NOMO1: variants seen among roughly 807,000 people sequenced by gnomAD.
NOMO1 encodes nodal modulator 3.
In NOMO1, 40 loss-of-function variants were observed where a neutral mutation model predicts 133.8. That is an observed-to-expected ratio of 0.30 (90% CI 0.23 to 0.39). The LOEUF (loss-of-function observed/expected upper bound fraction) is 0.39. Among genes scored for constraint, NOMO1 ranks in the 10% least tolerant of loss-of-function variants. The probability of loss-of-function intolerance (pLI) is 1.00; values close to 1 mark genes in which losing one functional copy is unlikely to be tolerated. For synonymous variants in NOMO1, 236 were observed against 570.5 expected (o/e 0.41, Z 8.36); for missense variants, 462 against 1,419.9 (o/e 0.33, Z 10.84).
intron 15 of NOMO1, 106 bp downstream of exon 15, chr16:14,866,797 C>G (rs189524829): frequency 3.7e-6 from 6 of 1,605,886 alleles, no homozygotes; most frequent in Non-Finnish European, 5.1e-6. Context: ...AGTTAGATTT[C>G]CTTTTCTGCC....
At chr16:14,875,602 TTGGA>T (rs1166983816) in intron 20 of NOMO1, among the ~76,000 whole-genome samples, 180 bp downstream of exon 20, 16,390 of 146,744 alleles carry the variant, frequency 0.11, 106 homozygotes, top group East Asian at 0.15. Flanking sequence ...GATGGTTGGG[TTGGA>T]TGGATGGATG....
At chr16:14,855,494 T>A (rs890025079) in intron 9 of NOMO1, among the ~76,000 whole-genome samples, 6 of 151,850 alleles carry the variant, frequency 4.0e-5, no homozygotes, top group African/African-American at 1.5e-4. Context: ...GAAAGTACTG[T>A]GTTAAAATCG....
intron 27 of NOMO1, among the ~76,000 whole-genome samples, chr16:14,885,233 C>T (rs1338480051): frequency 5.9e-5 from 9 of 151,902 alleles, no homozygotes; most frequent in Non-Finnish European, 1.3e-4. Flanking sequence ...GACAAATATC[C>T]AAACAGTATC....
intron 29 of NOMO1, among the ~76,000 whole-genome samples, chr16:14,889,556 C>A (rs1964377740): frequency 6.6e-6 from 1 of 151,858 alleles, no homozygotes; most frequent in Admixed American, 6.6e-5. Context: ...CAAAACAAAA[C>A]AAAACCAAAC....
At chr16:14,894,952 A>G (rs369823323) in intron 29 of NOMO1, 46 bp from the exon 30 acceptor site, 637 of 1,611,632 alleles carry the variant, frequency 4.0e-4, no homozygotes, top group Non-Finnish European at 5.1e-4. Context: ...ATGATGGACA[A>G]TCGTGTGGCC....
intron 29 of NOMO1, among the ~76,000 whole-genome samples, chr16:14,892,176 C>T (rs1004807213): frequency 3.3e-5 from 5 of 151,408 alleles, no homozygotes; most frequent in African/African-American, 1.2e-4. Context: ...ACCTGGGATG[C>T]AGAGTTTGTA....
At chr16:14,862,910 CAGG>C (rs1963940274) in intron 11 of NOMO1, 100 bp from the exon 12 acceptor site, 1 of 1,516,854 alleles carries the variant, frequency 6.6e-7, no homozygotes, top group Non-Finnish European at 9.0e-7. Flanking sequence ...AGACTATTCT[CAGG>C]AACAAGGGCT....
intron 12 of NOMO1, 145 bp from the exon 13 acceptor site, chr16:14,864,440 G>C (rs1839915801): frequency 2.1e-6 from 3 of 1,453,304 alleles, no homozygotes; most frequent in Non-Finnish European, 2.8e-6. Flanking sequence ...TGGATTTGTT[G>C]TGATTGTAAA....
chr16:14,887,877 G>A (rs1345591657), intron 28 of NOMO1, among the ~76,000 whole-genome samples: 1 of 151,174 alleles, frequency 6.6e-6, no homozygotes, highest in Non-Finnish European at 1.5e-5. Flanking sequence ...TGCTTTGAAC[G>A]TTCTCTCTGT....
chr16:14,887,586 C>T (rs1237893285), intron 28 of NOMO1, among the ~76,000 whole-genome samples: 1 of 151,812 alleles, frequency 6.6e-6, no homozygotes, highest in African/African-American at 2.4e-5. Flanking sequence ...AGGCGTGAGC[C>T]CCCGTGCCTG....
chr16:14,882,909 C>G (rs551388410), intron 26 of NOMO1, among the ~76,000 whole-genome samples: 1 of 152,178 alleles, frequency 6.6e-6, no homozygotes, highest in East Asian at 1.9e-4. Context: ...GTATCCTCCC[C>G]GCGACTTGCC....
chr16:14,881,105 A>C (rs1232792337), intron 24 of NOMO1, among the ~76,000 whole-genome samples: 1 of 152,098 alleles, frequency 6.6e-6, no homozygotes, highest in Non-Finnish European at 1.5e-5. Flanking sequence ...ACACAGATAC[A>C]CACATATATG....
intron 9 of NOMO1, among the ~76,000 whole-genome samples, chr16:14,855,451 A>G (rs1392905687): frequency 6.6e-6 from 1 of 151,838 alleles, no homozygotes; most frequent in Non-Finnish European, 1.5e-5. Context: ...CGAAGCAATT[A>G]TATTTTAATC....
chr16:14,851,077 C>A, intron 6 of NOMO1, among the ~76,000 whole-genome samples: 1 of 72,124 alleles, frequency 1.4e-5, no homozygotes. Context: ...GAGTGAGACT[C>A]CATCTCAAAA....
intron 1 of NOMO1, among the ~76,000 whole-genome samples, chr16:14,836,464 T>C (rs1399149271): frequency 6.6e-6 from 1 of 152,084 alleles, no homozygotes; most frequent in Admixed American, 6.5e-5. Flanking sequence ...TGTCATGGTT[T>C]GTTTCATGGT....
intron 4 of NOMO1, among the ~76,000 whole-genome samples, chr16:14,845,301 G>C (rs1189922405): frequency 6.6e-6 from 1 of 151,950 alleles, no homozygotes; most frequent in Non-Finnish European, 1.5e-5. Context: ...ACTTCCCATA[G>C]TGCTGGGATT....
At chr16:14,873,359 G>C (rs1218228902) in intron 18 of NOMO1, among the ~76,000 whole-genome samples, 2 of 131,638 alleles carry the variant, frequency 1.5e-5, no homozygotes, top group African/African-American at 5.3e-5. Context: ...AGAGTGGGAG[G>C]TGGTGGAGGC....
At chr16:14,842,895 TTATTTATATTTTATAAAA>T (rs1482024454) in intron 3 of NOMO1, among the ~76,000 whole-genome samples, 38 of 150,704 alleles carry the variant, frequency 2.5e-4, no homozygotes, top group African/African-American at 9.0e-4. Flanking sequence ...AAATATAAAA[TTATTTATATTTTATAAAA>T]TATTTATATT....
chr16:14,857,683 G>A lies in NOMO1; in HGVS notation c.1220+28G>A, dbSNP rs2606821. The A allele has an allele frequency of 5.2e-4, 841 of 1,613,008 alleles. 4 individuals carry two copies. Among genetic ancestry groups the A allele is most frequent in the African/African-American group, 3.5e-3 (263 of 74,768 alleles). On this transcript the variant is annotated intron_variant, in intron 11 of 30. Transcript: ENST00000287667. The stretch of plus-strand genomic sequence containing the variant: ...AAGCTTATCGTGTGGATTTGGAAGC[G>A]CCAGTAAATATGCTGGCAGCCAGTG...
Sources: gnomAD v4.1 joint callset for allele counts (sites outside exome capture counted in the v4.1 genomes callset) on GRCh38, gnomAD v4.1.1 for gene constraint, MANE v1.5 for transcripts, NCBI Gene and HGNC (gene_info 2026-07-23, HGNC 2026-07-21) for gene names.